WDPCP: variants seen among roughly 807,000 people sequenced by gnomAD.
WDPCP encodes WD repeat-containing and planar cell polarity effector protein fritz homolog.
A neutral mutation model predicts 93.1 loss-of-function variants in WDPCP; 71 were observed. That is an observed-to-expected ratio of 0.76 (90% CI 0.63 to 0.93). The LOEUF is 0.93. WDPCP is among the 40% of genes least tolerant of loss of function. The pLI is 0.00. For missense variants in WDPCP, 844 were observed against 887.4 expected, an observed-to-expected ratio of 0.95 and a Z score of 0.62; for synonymous variants, 315 against 315.0, an observed-to-expected ratio of 1.00 and a Z score of 0.00.
chr2:63,294,950 AGTTT>A (rs1684732042), intron 13 of WDPCP, among the ~76,000 whole-genome samples: 1 of 152,202 alleles, frequency 6.6e-6, no homozygotes. Flanking sequence ...AAGAATTATT[AGTTT>A]ATGTTATAGA....
intron 14 of WDPCP, among the ~76,000 whole-genome samples, chr2:63,182,816 T>C (rs1674350955): frequency 6.7e-6 from 1 of 149,894 alleles, no homozygotes; most frequent in Non-Finnish European, 1.5e-5. Context: ...TTTTTGTTAC[T>C]GATTAAGTGT....
At chr2:63,349,255 T>A (rs1021700362) in intron 12 of WDPCP, among the ~76,000 whole-genome samples, 2 of 152,098 alleles carry the variant, frequency 1.3e-5, no homozygotes, top group Non-Finnish European at 2.9e-5. Context: ...AAATTTTAAC[T>A]CATTGTTTTT....
intron 2 of WDPCP, among the ~76,000 whole-genome samples, chr2:63,794,033 T>C (rs1423518793): frequency 6.6e-6 from 1 of 152,102 alleles, no homozygotes; most frequent in Non-Finnish European, 1.5e-5. Flanking sequence ...AGATAAAATA[T>C]TAGGTGAAAG....
intron 1 of WDPCP, among the ~76,000 whole-genome samples, chr2:63,584,575 T>C (rs1708718841): frequency 6.6e-6 from 1 of 152,120 alleles, no homozygotes; most frequent in Non-Finnish European, 1.5e-5. Context: ...TCATTTTCAA[T>C]ATATTTTTAC....
chr2:63,285,017 T>C (rs898744186), intron 13 of WDPCP, among the ~76,000 whole-genome samples: 6 of 151,374 alleles, frequency 4.0e-5, no homozygotes, highest in Non-Finnish European at 8.8e-5. Context: ...ACAAATTAAT[T>C]CAAATGAAGC....
chr2:63,602,404 C>T (rs1469108994), intron 3 of WDPCP, among the ~76,000 whole-genome samples: 6 of 122,850 alleles, frequency 4.9e-5, no homozygotes, highest in East Asian at 4.7e-4. Context: ...ACTCAAAAGT[C>T]GCAAAAAAAT....
chr2:63,619,945 G>C (rs1257319596), intron 3 of WDPCP, among the ~76,000 whole-genome samples: 1 of 152,206 alleles, frequency 6.6e-6, no homozygotes, highest in Non-Finnish European at 1.5e-5. Context: ...CCCAAGCCAA[G>C]GTAAGCCGTG....
chr2:63,294,649 A>C (rs1348913319), intron 13 of WDPCP, among the ~76,000 whole-genome samples: 1 of 152,004 alleles, frequency 6.6e-6, no homozygotes, highest in Non-Finnish European at 1.5e-5. Flanking sequence ...GTTCATTACC[A>C]CTAGACCTTG....
intron 2 of WDPCP, among the ~76,000 whole-genome samples, chr2:63,770,650 T>C (rs2103944211): frequency 1.3e-5 from 2 of 152,110 alleles, no homozygotes; most frequent in African/African-American, 2.4e-5. Context: ...GTCTGAGGAC[T>C]TTTGGACATC....
intron 12 of WDPCP, among the ~76,000 whole-genome samples, chr2:63,321,889 T>C (rs1013979069): frequency 1.3e-5 from 2 of 152,230 alleles, no homozygotes; most frequent in African/African-American, 4.8e-5. Flanking sequence ...TTATTTCTAT[T>C]GTCTTCTTTT....
intron 13 of WDPCP, among the ~76,000 whole-genome samples, chr2:63,298,608 T>A (rs1364590560): frequency 6.6e-6 from 1 of 152,142 alleles, no homozygotes; most frequent in Non-Finnish European, 1.5e-5. Context: ...TGGACTTACA[T>A]CAGTGGTTTG....
chr2:63,245,701 A>G (rs1680217479), intron 14 of WDPCP, among the ~76,000 whole-genome samples: 1 of 152,188 alleles, frequency 6.6e-6, no homozygotes, highest in Non-Finnish European at 1.5e-5. Flanking sequence ...TAAAAATTGA[A>G]GGGAACTGTG....
At chr2:63,622,082 TTTGGAA>T in intron 3 of WDPCP, 3 of 1,106,324 alleles carry the variant, frequency 2.7e-6, no homozygotes, top group East Asian at 2.9e-5. Flanking sequence ...TTTTTTTTTT[TTTGGAA>T]GTTGATTTTT....
intron 14 of WDPCP, among the ~76,000 whole-genome samples, chr2:63,220,664 T>G (rs923853343): frequency 3.3e-5 from 5 of 152,222 alleles, no homozygotes; most frequent in Admixed American, 3.3e-4. Context: ...CAGTGATGTA[T>G]AAATGAATGT....
At chr2:63,785,836 A>T (rs1670459060) in intron 2 of WDPCP, among the ~76,000 whole-genome samples, 1 of 152,204 alleles carries the variant, frequency 6.6e-6, no homozygotes, top group East Asian at 1.9e-4. Flanking sequence ...GATATTTTTT[A>T]AAAGACTTTA....
chr2:63,569,665 G>A (rs1465177425), intron 1 of WDPCP, among the ~76,000 whole-genome samples: 4 of 152,124 alleles, frequency 2.6e-5, no homozygotes, highest in Admixed American at 6.5e-5. Flanking sequence ...TAACTCACGT[G>A]GGCAAGGGCT....
chr2:63,434,912 AT>A (rs1697035026), intron 8 of WDPCP, among the ~76,000 whole-genome samples: 3 of 152,270 alleles, frequency 2.0e-5, no homozygotes, highest in Admixed American at 2.0e-4. Context: ...TATGTATTGT[AT>A]TTAGTAAATA....
chr2:63,594,469 T>C, intron 3 of WDPCP: 1 of 1,559,658 alleles, frequency 6.4e-7, no homozygotes, highest in Non-Finnish European at 8.8e-7. Context: ...AAGATGTTAA[T>C]GGGTCTTTTT....
intron 2 of WDPCP, among the ~76,000 whole-genome samples, chr2:63,675,284 T>C (rs1710391404): frequency 6.6e-6 from 1 of 152,206 alleles, no homozygotes; most frequent in Non-Finnish European, 1.5e-5. Flanking sequence ...CTGAACTCAC[T>C]TAACTCTAGG....
Sources: allele counts gnomAD v4.1 joint callset (sites outside exome capture counted in the v4.1 genomes callset), GRCh38; gene constraint gnomAD v4.1.1; transcripts MANE v1.5; gene names NCBI Gene and HGNC (gene_info 2026-07-23, HGNC 2026-07-21).